Variants in LYSMD2 observed in about 807,000 individuals in gnomAD.
LYSMD2 encodes the protein LysM domain containing 2.
In LYSMD2, 6 loss-of-function variants were observed where a neutral mutation model predicts 17.7. The observed-to-expected ratio is 0.34, with a 90% CI of 0.19 to 0.67. The LOEUF (loss-of-function observed/expected upper bound fraction) is 0.67, where lower values mean the gene tolerates loss of function less well. Ranked by LOEUF, LYSMD2 falls within the 30% of genes least tolerant of loss-of-function variation. The pLI is 0.69. For missense variants in LYSMD2, 237 were observed against 286.7 expected (o/e 0.83, Z 1.25); for synonymous variants, 102 against 129.8 (o/e 0.79, Z 1.45).
At chr15:51,730,735 C>A (rs552789485) in intron 1 of LYSMD2, among the ~76,000 whole-genome samples, 3 of 152,240 alleles carry the variant, frequency 2.0e-5, no homozygotes, top group Admixed American at 6.5e-5. Flanking sequence ...TAAGCTCATC[C>A]AAAAATGTTT....
chr15:51,740,255 G>A (rs2055636212), upstream of LYSMD2, among the ~76,000 whole-genome samples: 1 of 152,112 alleles, frequency 6.6e-6, no homozygotes, highest in African/African-American at 2.4e-5. Context: ...CACCACGCCT[G>A]GCCAGGCCTG....
chr15:51,737,309 G>T lies in LYSMD2; in HGVS notation c.273+41C>A. The stretch of plus-strand genomic sequence containing the variant: ...CCCCGAGCCGCACCGCCTCCTGCGC[G>T]GTAGCTGCCAGCCCGGGCCGCGGCG... On this transcript the variant is annotated intron_variant, in intron 1 of 2. Transcript: ENST00000267838. The surrounding 1 kb of genome is among the most constrained non-coding windows in gnomAD (Gnocchi z 4.2). The T allele has an allele frequency of 8.4e-7, 1 of 1,193,792 alleles. No individual in the cohort carries two copies. Among genetic ancestry groups the T allele is most frequent in the Non-Finnish European group, 1.0e-6 (1 of 956,250 alleles). The allele number at this position is 1,193,792 out of a possible 1,614,324, so 73.9% of individuals were successfully genotyped here. A position where few individuals can be genotyped will look rare whatever the true frequency, so the allele number is the denominator to read the frequency against.
chr15:51,750,478 T>G (rs185846408), intron 1 of LYSMD2, among the ~76,000 whole-genome samples: 234 of 152,338 alleles, frequency 1.5e-3, no homozygotes, highest in Middle Eastern at 3.4e-3. Flanking sequence ...TTTGGTTCAT[T>G]TTCCTCCACT....
chr15:51,747,804 T>C lies in LYSMD2; in HGVS notation c.-1+3467A>G, dbSNP rs2055675632. On this transcript the variant is annotated intron_variant, in intron 1 of 2. Transcript: ENST00000454181. ...TCATGATTACATAGTAATTAGCTTTTAGATGTTTGCTGTCAATTATACTAC... is the reference window on the plus strand; with the variant it reads ...TCATGATTACATAGTAATTAGCTTTCAGATGTTTGCTGTCAATTATACTAC... Among the ~76,000 whole-genome samples the C allele has an allele frequency of 1.3e-5, 2 of 152,240 alleles. 1 individual carries two copies. The highest frequency in any genetic ancestry group is 1.3e-4 in the Admixed American group (2 of 15,290).
At chr15:51,747,657 T>C (rs1056886727) in intron 1 of LYSMD2, among the ~76,000 whole-genome samples, 1 of 152,262 alleles carries the variant, frequency 6.6e-6, no homozygotes, top group African/African-American at 2.4e-5. Context: ...TGTGTATCTA[T>C]AAGCTTTCTC....
At chr15:51,725,553 A>G (rs940234279) in intron 1 of LYSMD2, among the ~76,000 whole-genome samples, 6 of 152,132 alleles carry the variant, frequency 3.9e-5, no homozygotes, top group African/African-American at 1.4e-4. Context: ...TAGTAAATAC[A>G]GTTACTGTAT....
Position 51,737,205 on chromosome 15 carries a change from G to A in LYSMD2, c.273+145C>T, listed in dbSNP as rs1003594822. ...CTGAGCGAGCCCTGGGAGCCGAGCCGCCCGGGGACGCACGGCCGTCCCTGC... is the reference window on the plus strand; with the variant it reads ...CTGAGCGAGCCCTGGGAGCCGAGCCACCCGGGGACGCACGGCCGTCCCTGC... On this transcript the variant is annotated intron_variant, in intron 1 of 2. Coordinates refer to ENST00000267838, the MANE Select transcript of LYSMD2 (RefSeq NM_153374.3). This position sits in a 1 kb window ranked among gnomAD's most constrained non-coding sequence, Gnocchi z 4.2. 4 of 830,950 alleles carry A rather than the reference G, an allele frequency of 4.8e-6. No homozygotes were observed. In the African/African-American group the frequency reaches 7.2e-5, roughly 15 times the overall value. 51.5% of individuals were successfully genotyped at this position (830,950 alleles called of 1,614,324 possible).
chr15:51,724,734 G>T, intron 2 of LYSMD2, 56 bp downstream of exon 2: 1 of 1,114,582 alleles, frequency 9.0e-7, no homozygotes, highest in Non-Finnish European at 1.2e-6. Context: ...GGCCCAGCAA[G>T]GACATCTTAA....
intron 2 of LYSMD2, among the ~76,000 whole-genome samples, chr15:51,724,456 A>G (rs1221588436): frequency 4.6e-5 from 7 of 152,226 alleles, no homozygotes; most frequent in African/African-American, 1.7e-4. Context: ...ACGCTATTAA[A>G]GCAAAGAAGC....
upstream of LYSMD2, among the ~76,000 whole-genome samples, chr15:51,741,219 A>G (rs1031840423): frequency 7.9e-5 from 12 of 152,268 alleles, no homozygotes; most frequent in African/African-American, 2.9e-4. Context: ...AAGCCAGCAA[A>G]CAGGTTCACA....
At chr15:51,725,359 A>G (rs2055532518) in intron 1 of LYSMD2, among the ~76,000 whole-genome samples, 1 of 152,208 alleles carries the variant, frequency 6.6e-6, no homozygotes. Context: ...ACATTATACT[A>G]TTTCTACTAC....
chr15:51,740,531 T>G (rs1428440356), upstream of LYSMD2, among the ~76,000 whole-genome samples: 1 of 152,184 alleles, frequency 6.6e-6, no homozygotes, highest in Non-Finnish European at 1.5e-5. Context: ...GAAAAGGAAA[T>G]GAAGATTGAA....
At position 51,732,851 on chromosome 15, in the gene LYSMD2, C is replaced by T. The variant is rs117254342; in HGVS notation, c.273+4499G>A. Among the ~76,000 whole-genome samples, 50 of 152,368 alleles carry T rather than the reference C, an allele frequency of 3.3e-4. No homozygotes were observed. The East Asian group carries it at 9.4e-3, about 29-fold the overall frequency. ...CCCAGCTGCTATCCTCTCCCACCTGCATTACTGCAAAAGCCACCATCTTAT... is the reference window on the plus strand; with the variant it reads ...CCCAGCTGCTATCCTCTCCCACCTGTATTACTGCAAAAGCCACCATCTTAT... On this transcript the variant is annotated intron_variant, in intron 1 of 2. Coordinates refer to ENST00000267838, the MANE Select transcript of LYSMD2 (RefSeq NM_153374.3).
At chr15:51,725,892 G>A (rs1167970634) in intron 1 of LYSMD2, among the ~76,000 whole-genome samples, 2 of 152,076 alleles carry the variant, frequency 1.3e-5, no homozygotes, top group Non-Finnish European at 2.9e-5. Context: ...CTCTTTAAAT[G>A]TTTAAAATGG....
intron 1 of LYSMD2, among the ~76,000 whole-genome samples, chr15:51,735,658 G>C (rs1371822503): frequency 6.6e-6 from 1 of 152,150 alleles, no homozygotes; most frequent in African/African-American, 2.4e-5. Context: ...TTTTAAAAAG[G>C]GGTAATGAGG....
Position 51,737,488 on chromosome 15 carries a change from G to A in LYSMD2, c.135C>T (p.Ala45=), listed in dbSNP as rs1240047928. 4 of 1,377,148 alleles carry A rather than the reference G, an allele frequency of 2.9e-6. No homozygotes were observed. The Admixed American group carries it at 1.3e-4, about 45-fold the overall frequency. The allele number at this position is 1,377,148 out of a possible 1,614,324, so 85.3% of individuals were successfully genotyped here. Residue 45 remains alanine (A), a synonymous_variant, in exon 1 of 3, where the codon GCC becomes GCT. Coordinates refer to ENST00000267838, the MANE Select transcript of LYSMD2 (RefSeq NM_153374.3). This position sits in a 1 kb window ranked among gnomAD's most constrained non-coding sequence, Gnocchi z 4.2. Reference sequence around the variant, plus strand: ...TGCCGTACGAGCGGGTCTTGGTGCGGGCCAGGCTCAGCGACAGCTCGGCCT... The same window carrying A: ...TGCCGTACGAGCGGGTCTTGGTGCGAGCCAGGCTCAGCGACAGCTCGGCCT... The part of the protein sequence containing the change: ...SEEAELSLSL[A]RTKTRSYGST...
chr15:51,737,262 T>TACCCCCCCCCCCCCCCCCC lies in LYSMD2; in HGVS notation c.273+87_273+88insGGGGGGGGGGGGGGGGGGT. ...CCATCCCCCAAACCCCCACCCGCAG[T>TACCCCCCCCCCCCCCCCCC]CCCACCCCCACCCCCACCGCACCCC... On this transcript the variant is annotated intron_variant, in intron 1 of 2. Transcript: ENST00000267838. This position sits in a 1 kb window ranked among gnomAD's most constrained non-coding sequence, Gnocchi z 4.2. 7.5e-6 allele frequency: 1 copy of TACCCCCCCCCCCCCCCCCC among 134,040 alleles called. No homozygotes were observed. The highest frequency in any genetic ancestry group is 1.4e-5 in the Non-Finnish European group (1 of 70,572). The allele number at this position is 134,040 out of a possible 1,614,324, so 8.3% of individuals were successfully genotyped here. A position where few individuals can be genotyped will look rare whatever the true frequency, so the allele number is the denominator to read the frequency against.
Position 51,737,413 on chromosome 15 carries a change from A to T in LYSMD2, c.210T>A (p.His70Gln). Residue 70 changes from histidine to glutamine, a missense_variant, in exon 1 of 3, where the codon CAT becomes CAA. By Grantham distance (24) the His-to-Gln change is conservative. Coordinates refer to ENST00000267838, the MANE Select transcript of LYSMD2 (RefSeq NM_153374.3). The surrounding 1 kb of genome is among the most constrained non-coding windows in gnomAD (Gnocchi z 4.2). ...CGCCCGCGCGGACCCGGTGCTCCAC[A>T]TGGCGCTCGATGACGCCGGCGCCCA... ...APLGAGVIERHVEHRVRAGDT... is the reference protein window; with the variant it reads ...APLGAGVIERQVEHRVRAGDT... The T allele has an allele frequency of 2.1e-6, 3 of 1,445,178 alleles. No individual in the cohort carries two copies. The highest frequency in any genetic ancestry group is 2.7e-6 in the Non-Finnish European group (3 of 1,104,018). The allele number at this position is 1,445,178 out of a possible 1,614,324, so 89.5% of individuals were successfully genotyped here.
intron 1 of LYSMD2, among the ~76,000 whole-genome samples, chr15:51,730,480 C>T (rs58559761): frequency 0.01 from 1,548 of 152,266 alleles, 17 homozygotes; most frequent in African/African-American, 0.022. Flanking sequence ...CTCGCCACTG[C>T]GCTCCAGGTC....
Sources: allele counts gnomAD v4.1 joint callset (sites outside exome capture counted in the v4.1 genomes callset), GRCh38; gene constraint gnomAD v4.1.1; non-coding constraint Gnocchi (gnomAD v3.1); transcripts MANE v1.5; gene names NCBI Gene and HGNC (gene_info 2026-07-23, HGNC 2026-07-21).